Variants in NEU3 observed in about 807,000 individuals in gnomAD.
The protein encoded by NEU3 is sialidase-3.
In NEU3, 10 loss-of-function variants were observed where a neutral mutation model predicts 11.4. The ratio of observed to expected loss-of-function variants is 0.88; its 90% confidence interval spans 0.54 to 1.49. NEU3 has a LOEUF of 1.49. Among genes scored for constraint, NEU3 ranks in the 40% most tolerant of loss-of-function variants. The pLI is 0.00. For synonymous variants in NEU3, 212 were observed against 228.2 expected (o/e 0.93, Z 0.64); for missense variants, 529 against 581.8 (o/e 0.91, Z 0.93).
chr11:75,014,634 T>C (rs1181800944), downstream of NEU3, among the ~76,000 whole-genome samples: 4 of 152,084 alleles, frequency 2.6e-5, no homozygotes, highest in East Asian at 1.9e-4. Context: ...TCCCAGCACT[T>C]TGGGAGGCAA....
At chr11:75,003,563 T>C (rs1269574577) in intron 2 of NEU3, among the ~76,000 whole-genome samples, 1 of 152,248 alleles carries the variant, frequency 6.6e-6, no homozygotes, top group African/African-American at 2.4e-5. Context: ...ACATACACTA[T>C]TCTGTATTTT....
chr11:74,995,126 A>C, intron 2 of NEU3: 2 of 474,982 alleles, frequency 4.2e-6, no homozygotes, highest in Non-Finnish European at 7.5e-6. Flanking sequence ...ATCCTCATAA[A>C]TCACCCAGGG....
At chr11:75,001,275 TTTTTTTTTTC>T (rs1234679500) in intron 2 of NEU3, among the ~76,000 whole-genome samples, 2 of 147,758 alleles carry the variant, frequency 1.4e-5, no homozygotes, top group Non-Finnish European at 1.5e-5. Context: ...TTTCTTTTTC[TTTTTTTTTTC>T]TTTTTTTTTT....
At chr11:74,996,913 A>T (rs1948795193) in intron 2 of NEU3, among the ~76,000 whole-genome samples, 1 of 152,204 alleles carries the variant, frequency 6.6e-6, no homozygotes, top group Non-Finnish European at 1.5e-5. Flanking sequence ...TTTGAAAGGA[A>T]TCTTTTTTCC....
chr11:75,019,105 G>A (rs1053356310), downstream of NEU3, among the ~76,000 whole-genome samples: 3 of 152,206 alleles, frequency 2.0e-5, no homozygotes, highest in Admixed American at 6.5e-5. Flanking sequence ...CATTCAAGAG[G>A]TGACTTGGGT....
intron 1 of NEU3, chr11:74,990,205 A>G (rs1284442257): frequency 1.8e-6 from 1 of 541,938 alleles, no homozygotes; most frequent in African/African-American, 1.9e-5. Flanking sequence ...TTAGGTAGGT[A>G]TTATTATCCA....
At chr11:74,984,036 A>G (rs1159302668), upstream of NEU3, among the ~76,000 whole-genome samples, 3 of 152,214 alleles carry the variant, frequency 2.0e-5, no homozygotes, top group African/African-American at 7.2e-5. Flanking sequence ...ATGTAATAAA[A>G]TACTTTGAAT....
upstream of NEU3, among the ~76,000 whole-genome samples, chr11:74,985,460 AT>A (rs1162134078): frequency 6.6e-6 from 1 of 152,098 alleles, no homozygotes; most frequent in African/African-American, 2.4e-5. Context: ...ATATATGGTT[AT>A]TTTTTAATTT....
upstream of NEU3, among the ~76,000 whole-genome samples, chr11:74,985,428 A>G (rs889582081): frequency 2.6e-5 from 4 of 152,088 alleles, no homozygotes; most frequent in Non-Finnish European, 5.9e-5. Flanking sequence ...ATATATATGG[A>G]TATATACAGA....
At chr11:75,003,854 C>T (rs1948870176) in intron 2 of NEU3, among the ~76,000 whole-genome samples, 1 of 151,544 alleles carries the variant, frequency 6.6e-6, no homozygotes, top group South Asian at 2.1e-4. Context: ...GACACCACTG[C>T]ACTGCAGCCT....
At chr11:75,018,198 A>T (rs1031348825) in intron 3 of NEU3, among the ~76,000 whole-genome samples, 2 of 151,938 alleles carry the variant, frequency 1.3e-5, no homozygotes, top group African/African-American at 2.4e-5. Context: ...GAGAGGATCT[A>T]GAATGCATTT....
chr11:74,984,748 T>C (rs1302910705), upstream of NEU3, among the ~76,000 whole-genome samples: 1 of 152,200 alleles, frequency 6.6e-6, no homozygotes, highest in East Asian at 1.9e-4. Context: ...CCCCTCGCTT[T>C]AGTTGCTCAC....
At chr11:75,002,058 T>C (rs1180205737) in intron 2 of NEU3, among the ~76,000 whole-genome samples, 1 of 152,186 alleles carries the variant, frequency 6.6e-6, no homozygotes, top group Admixed American at 6.5e-5. Context: ...ATGGCTTAGA[T>C]TTCTTTTTTG....
chr11:75,010,596 C>A lies in NEU3; in HGVS notation c.*4104C>A, dbSNP rs1232046684. On this transcript the variant is annotated 3_prime_UTR_variant, in exon 3 of 3. Coordinates refer to ENST00000294064, the MANE Select transcript of NEU3 (RefSeq NM_006656.6). Reference sequence around the variant, plus strand: ...CTTTCTCTGGCTTAAGCTTGGTTGTCCCTGGCTTTCCCAAGGATCACAGCC... The same window carrying A: ...CTTTCTCTGGCTTAAGCTTGGTTGTACCTGGCTTTCCCAAGGATCACAGCC... 6.6e-6 allele frequency: 1 copy of A among 152,180 alleles called. No individual in the cohort carries two copies. Among genetic ancestry groups the A allele is most frequent in the African/African-American group, 2.4e-5 (1 of 41,438 alleles). 9.4% of individuals were successfully genotyped at this position (152,180 alleles called of 1,614,324 possible). A position where few individuals can be genotyped will look rare whatever the true frequency, so the allele number is the denominator to read the frequency against.
Position 75,010,555 on chromosome 11 carries a change from A to G in NEU3, c.*4063A>G, listed in dbSNP as rs1948947664. The G allele has an allele frequency of 6.6e-6, 1 of 152,200 alleles. No homozygotes were observed. Among genetic ancestry groups the G allele is most frequent in the African/African-American group, 2.4e-5 (1 of 41,426 alleles). The allele number at this position is 152,200 out of a possible 1,614,324, so 9.4% of individuals were successfully genotyped here. The stretch of plus-strand genomic sequence containing the variant: ...GGCCTGCTTCAAGGTCAGTTACACT[A>G]CTTCCTGGGATGGGCCTTTCTCTGG... On this transcript the variant is annotated 3_prime_UTR_variant, in exon 3 of 3. Transcript: ENST00000294064.
intron 1 of NEU3, chr11:74,989,885 C>T: frequency 1.5e-6 from 1 of 684,608 alleles, no homozygotes; most frequent in African/African-American, 1.8e-5. Flanking sequence ...TATCGAGCAG[C>T]AAGTAATCAT....
chr11:75,017,888 G>A (rs953211577), intron 3 of NEU3, among the ~76,000 whole-genome samples: 3 of 152,210 alleles, frequency 2.0e-5, no homozygotes, highest in African/African-American at 4.8e-5. Context: ...AGGTAGGGAG[G>A]AAAACACTTA....
upstream of NEU3, among the ~76,000 whole-genome samples, chr11:74,985,817 T>A (rs554479587): frequency 4.7e-4 from 72 of 152,340 alleles, no homozygotes; most frequent in Non-Finnish European, 8.5e-4. Context: ...GGGAGCCCAT[T>A]AGAGAGTACC....
At chr11:74,993,238 C>T (rs1272817579) in intron 1 of NEU3, among the ~76,000 whole-genome samples, 2 of 152,198 alleles carry the variant, frequency 1.3e-5, no homozygotes, top group African/African-American at 2.4e-5. Context: ...GAGTCTTGCT[C>T]CGTCTCCCAG....
Sources: gnomAD v4.1 joint callset for allele counts (sites outside exome capture counted in the v4.1 genomes callset) on GRCh38, gnomAD v4.1.1 for gene constraint, MANE v1.5 for transcripts, NCBI Gene and HGNC (gene_info 2026-07-23, HGNC 2026-07-21) for gene names.